GFOD1: variants seen among roughly 807,000 people sequenced by gnomAD.
GFOD1 encodes glucose-fructose oxidoreductase domain-containing protein 1.
Under a neutral mutation model 25.4 loss-of-function variants are expected in GFOD1, and 9 were observed. The observed-to-expected ratio is 0.35, with a 90% confidence interval of 0.21 to 0.62. The LOEUF is 0.62. Ranked by LOEUF, GFOD1 falls within the 20% of genes least tolerant of loss-of-function variation. GFOD1 has a pLI of 0.72. For synonymous variants in GFOD1, 253 were observed against 245.6 expected, an observed-to-expected ratio of 1.03 and a Z score of -0.28; for missense variants, 403 against 556.9, an observed-to-expected ratio of 0.72 and a Z score of 2.78.
chr6:13,478,423 C>G (rs532273247), intron 1 of GFOD1, among the ~76,000 whole-genome samples: 1 of 152,302 alleles, frequency 6.6e-6, no homozygotes, highest in East Asian at 1.9e-4. Flanking sequence ...ACAGGCGTGG[C>G]CATCACACCC....
Position 13,487,017 on chromosome 6 carries a change from T to C in GFOD1, c.-127A>G. 2.4e-6 allele frequency: 3 copies of C among 1,233,354 alleles called. No homozygotes were observed. Among genetic ancestry groups the C allele is most frequent in the Non-Finnish European group, 3.3e-6 (3 of 906,172 alleles). 76.4% of individuals were successfully genotyped at this position (1,233,354 alleles called of 1,614,324 possible). A position where few individuals can be genotyped will look rare whatever the true frequency, so the allele number is the denominator to read the frequency against. On this transcript the variant is annotated 5_prime_UTR_variant, in exon 1 of 2. Coordinates refer to ENST00000379287, the MANE Select transcript of GFOD1 (RefSeq NM_018988.4). This position sits in a 1 kb window ranked among gnomAD's most constrained non-coding sequence, Gnocchi z 4.9. Reference sequence around the variant, plus strand: ...TCTAGCCGCGGTGCGCCAGCCGCCGTGCACCGGGCAAGGCGCCCGGGTGCC... The same window carrying C: ...TCTAGCCGCGGTGCGCCAGCCGCCGCGCACCGGGCAAGGCGCCCGGGTGCC...
rs768225316 is a variant in GFOD1, at chr6:13,364,388, C to T, written c.*355G>A. 3.6e-5 allele frequency: 9 copies of T among 249,446 alleles called. No homozygotes were observed. Among genetic ancestry groups the T allele is most frequent in the Non-Finnish European group, 6.2e-5 (8 of 128,258 alleles). The allele number at this position is 249,446 out of a possible 1,614,324, so 15.5% of individuals were successfully genotyped here. On this transcript the variant is annotated 3_prime_UTR_variant, in exon 2 of 2. Transcript: ENST00000379287. The surrounding 1 kb of genome is among the most constrained non-coding windows in gnomAD (Gnocchi z 4.1). ...GCAGAACCACTTGGCTTGCAGAAGG[C>T]CAAGGTGTGTGGGATGGATGAGGTA... is the stretch of plus-strand genomic sequence containing the variant.
chr6:13,486,405 T>TG (rs1469916660), intron 1 of GFOD1: 12 of 592,426 alleles, frequency 2.0e-5, no homozygotes, highest in Non-Finnish European at 3.0e-6. Context: ...TCTACACACG[T>TG]GGGGAAGCGC....
At chr6:13,486,611 G>A in intron 1 of GFOD1, 27 bp downstream of exon 1, 1 of 1,604,310 alleles carries the variant, frequency 6.2e-7, no homozygotes, top group Admixed American at 1.7e-5. Context: ...GGGGTGGGAC[G>A]GAGGATGCGG....
chr6:13,430,799 G>A lies in GFOD1; in HGVS notation c.253+55839C>T, dbSNP rs1019507463. ...ACTCCCTCCTCCTCCTGTCAGGCTC[G>A]CTACCAAACTCTACTCCTCACCCTC... is the stretch of plus-strand genomic sequence containing the variant. On this transcript the variant is annotated intron_variant, in intron 1 of 1. Coordinates refer to ENST00000379287, the MANE Select transcript of GFOD1 (RefSeq NM_018988.4). The surrounding 1 kb of genome is among the most constrained non-coding windows in gnomAD (Gnocchi z 4.1). Among the ~76,000 whole-genome samples, 1 of 152,072 alleles carries A rather than the reference G, an allele frequency of 6.6e-6. No homozygotes were observed. The highest frequency in any genetic ancestry group is 1.5e-5 in the Non-Finnish European group (1 of 68,004).
In GFOD1 at chr6:13,485,986, A is replaced by G. The variant is rs528664638; in HGVS notation, c.253+652T>C. The G allele has an allele frequency of 2.8e-3, 2,717 of 979,124 alleles. 4 individuals are homozygous for G. The highest frequency in any genetic ancestry group is 3.2e-3 in the Non-Finnish European group (2,601 of 824,170). The allele number at this position is 979,124 out of a possible 1,614,324, so 60.7% of individuals were successfully genotyped here. A position where few individuals can be genotyped will look rare whatever the true frequency, so the allele number is the denominator to read the frequency against. On this transcript the variant is annotated intron_variant, in intron 1 of 1. Coordinates refer to ENST00000379287, the MANE Select transcript of GFOD1 (RefSeq NM_018988.4). ...AACATTCTAATACATCATCACCCCCATCCAACCACTCCCACCGTCCTTGCC... is the reference window on the plus strand; with the variant it reads ...AACATTCTAATACATCATCACCCCCGTCCAACCACTCCCACCGTCCTTGCC...
chr6:13,364,522 G>T lies in GFOD1; in HGVS notation c.*221C>A, dbSNP rs1031030273. ...GCAGGGATCATCCCAGGAATGGCAG[G>T]CTCTCCTGAATGCTTCCAGGCTAGG... On this transcript the variant is annotated 3_prime_UTR_variant, in exon 2 of 2. Transcript: ENST00000379287. This position sits in a 1 kb window ranked among gnomAD's most constrained non-coding sequence, Gnocchi z 4.1. 1 of 569,716 alleles carries T rather than the reference G, an allele frequency of 1.8e-6. No individual in the cohort carries two copies. The allele number at this position is 569,716 out of a possible 1,614,324, so 35.3% of individuals were successfully genotyped here.
At chr6:13,405,474 A>G (rs493908) in intron 1 of GFOD1, among the ~76,000 whole-genome samples, 143,589 of 152,334 alleles carry the variant, frequency 0.94, 68,293 homozygotes, top group East Asian at 1. Context: ...TATTTACAGC[A>G]CATCTTAATT....
chr6:13,485,309 C>CGT (rs1758840161), intron 1 of GFOD1, among the ~76,000 whole-genome samples: 1 of 152,216 alleles, frequency 6.6e-6, no homozygotes, highest in African/African-American at 2.4e-5. Flanking sequence ...GTATATTTCA[C>CGT]CTACCCTGAA....
At chr6:13,439,230 A>G (rs2127571701) in intron 1 of GFOD1, among the ~76,000 whole-genome samples, 1 of 109,590 alleles carries the variant, frequency 9.1e-6, no homozygotes, top group Middle Eastern at 4.6e-3. Context: ...CTAGGAACAA[A>G]CAACTGAAAA....
At chr6:13,456,780 C>T (rs981725915) in intron 1 of GFOD1, among the ~76,000 whole-genome samples, 9 of 152,182 alleles carry the variant, frequency 5.9e-5, no homozygotes, top group African/African-American at 2.2e-4. Context: ...GTCTTGGGAG[C>T]CAGGAGGTCT....
chr6:13,434,923 C>T (rs995723729), intron 1 of GFOD1, among the ~76,000 whole-genome samples: 5 of 152,200 alleles, frequency 3.3e-5, no homozygotes, highest in Admixed American at 6.5e-5. Context: ...AGACCACTTG[C>T]GGCAGCAAGG....
chr6:13,408,138 G>A (rs1785981232), intron 1 of GFOD1: 1 of 976,910 alleles, frequency 1.0e-6, no homozygotes, highest in Non-Finnish European at 1.2e-6. Context: ...TTTATGAAGT[G>A]ACACCTTCTC....
At chr6:13,386,222 G>C (rs1785471673) in intron 1 of GFOD1, among the ~76,000 whole-genome samples, 1 of 151,968 alleles carries the variant, frequency 6.6e-6, no homozygotes. Flanking sequence ...CAGCCTCAGT[G>C]TTCAGAATCC....
At chr6:13,426,231 G>C (rs1163841001) in intron 1 of GFOD1, among the ~76,000 whole-genome samples, 1 of 152,246 alleles carries the variant, frequency 6.6e-6, no homozygotes, top group Non-Finnish European at 1.5e-5. Context: ...CTAGGAGGGA[G>C]TTCTGGGCCA....
At chr6:13,372,029 CTAAAGCTGGGTCTTT>C (rs1785164323) in intron 1 of GFOD1, among the ~76,000 whole-genome samples, 1 of 152,208 alleles carries the variant, frequency 6.6e-6, no homozygotes, top group East Asian at 1.9e-4. Flanking sequence ...GAACAAAGAG[CTAAAGCTGGGTCTTT>C]TGAAGGCTTT....
At chr6:13,451,772 C>T (rs569467012) in intron 1 of GFOD1, among the ~76,000 whole-genome samples, 8 of 152,256 alleles carry the variant, frequency 5.3e-5, no homozygotes, top group South Asian at 2.1e-4. Flanking sequence ...AGGTTAAGGT[C>T]GGCAAACGAA....
At chr6:13,382,336 T>TAATTGA (rs1785382838) in intron 1 of GFOD1, among the ~76,000 whole-genome samples, 1 of 114,758 alleles carries the variant, frequency 8.7e-6, no homozygotes, top group Non-Finnish European at 1.8e-5. Context: ...CAGTGGGAGG[T>TAATTGA]AATTGAATCA....
intron 1 of GFOD1, among the ~76,000 whole-genome samples, chr6:13,425,908 A>T (rs1388960004): frequency 6.6e-6 from 1 of 152,034 alleles, no homozygotes; most frequent in African/African-American, 2.4e-5. Flanking sequence ...AAGAAAAAGA[A>T]ACTCGCAGAA....
Sources: allele counts gnomAD v4.1 joint callset (sites outside exome capture counted in the v4.1 genomes callset), GRCh38; gene constraint gnomAD v4.1.1; non-coding constraint Gnocchi (gnomAD v3.1); transcripts MANE v1.5; gene names NCBI Gene and HGNC (gene_info 2026-07-23, HGNC 2026-07-21).